The following DCHS2 variants were observed in gnomAD, a reference collection of about 807,000 sequenced individuals.
The protein encoded by DCHS2 is protocadherin-23.
Under a neutral mutation model 182.4 loss-of-function variants are expected in DCHS2, and 142 were observed. That is an observed-to-expected ratio of 0.78 (90% CI 0.68 to 0.89). The LOEUF (loss-of-function observed/expected upper bound fraction) is 0.89. Among genes scored for constraint, DCHS2 ranks in the 40% least tolerant of loss-of-function variants. DCHS2 has a pLI of 0.00. For synonymous variants in DCHS2, 1,740 were observed against 1,663.3 expected (o/e 1.05, Z -1.12); for missense variants, 4,319 against 4,198.6 (o/e 1.03, Z -0.79).
chr4:154,402,183 G>T (rs753808417), intron 1 of DCHS2, among the ~76,000 whole-genome samples: 4 of 152,142 alleles, frequency 2.6e-5, no homozygotes. Flanking sequence ...TGGTACCCTT[G>T]TCAAAACTCA....
rs1303670297 is a variant in DCHS2 at position 154,439,153 on chromosome 4, T to TTAAG, written c.2052+50147_2052+50150dup. 2.0e-5 allele frequency among the ~76,000 whole-genome samples: 3 copies of TTAAG among 152,354 alleles called. No homozygotes were observed. The East Asian group carries it at 5.8e-4, about 29-fold the overall frequency. ...AATACATTTCCCTACTAATGGACAT[T>TTAAG]TAAGTCACCAGAGGCTTTTCACACT... On this transcript the variant is annotated intron_variant, in intron 1 of 19. Transcript: ENST00000357232.
intron 13 of DCHS2, among the ~76,000 whole-genome samples, chr4:154,272,940 C>T (rs948581940): frequency 6.6e-6 from 1 of 152,102 alleles, no homozygotes; most frequent in South Asian, 2.1e-4. Flanking sequence ...CTCCTGTTTA[C>T]TACTCACATA....
At position 154,333,145 on chromosome 4, in the gene DCHS2, C is replaced by T. The variant is rs1452270071; in HGVS notation, c.3063G>A (p.Pro1021=). 6.2e-7 allele frequency: 1 copy of T among 1,614,122 alleles called. No homozygotes were observed. The highest frequency in any genetic ancestry group is 1.7e-5 in the Admixed American group (1 of 60,030). Reference sequence around the variant, plus strand: ...TGTCGATGGCAAAGACGCCTGGCTGCGGGCTGGCGATGGAGTACCGGATGA... The same window carrying T: ...TGTCGATGGCAAAGACGCCTGGCTGTGGGCTGGCGATGGAGTACCGGATGA... The part of the protein sequence containing the change: ...NGLIRYSIAS[P]QPGVFAIDRA... Residue 1021 remains proline (P), a synonymous_variant, in exon 5 of 20, where the codon CCG becomes CCA. Coordinates refer to ENST00000357232, the MANE Select transcript of DCHS2 (RefSeq NM_001358235.2).
chr4:154,332,999 G>A lies in DCHS2; in HGVS notation c.3209C>T (p.Thr1070Ile). The A allele has an allele frequency of 6.2e-7, 1 of 1,614,182 alleles. No individual in the cohort carries two copies. The highest frequency in any genetic ancestry group is 1.1e-5 in the South Asian group (1 of 91,082). ...VHPQAALLVL[T>I]VVIEKREHSP... ...GTGTTCGCGTTTCTCGATAACGACT[G>A]TCAGCACCAGCAGGGCTGCCTGAGG... Residue 1070 changes from threonine (T) to isoleucine (I), a missense_variant, in exon 5 of 20, where the codon ACA (threonine) becomes ATA (isoleucine). Thr to Ile is a moderately conservative substitution (Grantham distance 89). Transcript: ENST00000357232.
At chr4:154,252,499 G>A (rs975185813) in intron 16 of DCHS2, among the ~76,000 whole-genome samples, 9 of 151,672 alleles carry the variant, frequency 5.9e-5, no homozygotes, top group Admixed American at 5.9e-4. Context: ...ACCCTTCCCA[G>A]CCTCTGGTAA....
chr4:154,365,581 C>G (rs180723429), intron 3 of DCHS2, among the ~76,000 whole-genome samples: 4 of 151,904 alleles, frequency 2.6e-5, no homozygotes, highest in Non-Finnish European at 1.5e-5. Context: ...TGGCCTCGAG[C>G]CATCCTCCCA....
intron 13 of DCHS2, among the ~76,000 whole-genome samples, chr4:154,296,939 T>A (rs1734951264): frequency 6.6e-6 from 1 of 152,230 alleles, no homozygotes; most frequent in Non-Finnish European, 1.5e-5. Flanking sequence ...ATATCAAGGC[T>A]ATTCCAACAC....
chr4:154,427,567 G>A (rs931035991), intron 1 of DCHS2, among the ~76,000 whole-genome samples: 3 of 152,196 alleles, frequency 2.0e-5, no homozygotes, highest in African/African-American at 7.2e-5. Flanking sequence ...AATTAACTCT[G>A]TTAAATTTAA....
At position 154,235,374 on chromosome 4, in the gene DCHS2, C is replaced by T. The variant is rs1181023529; in HGVS notation, c.9278G>A (p.Gly3093Asp). 4.3e-6 allele frequency: 7 copies of T among 1,614,042 alleles called. No individual in the cohort carries two copies. Among genetic ancestry groups the T allele is most frequent in the Middle Eastern group, 1.7e-4 (1 of 6,060 alleles). ...VNLYRHSNSS[G>D]HCSVEGETAE... ...AGTTTCTCCTTCCACAGAACAGTGG[C>T]CACTGGAGTTTGAGTGTCTGTACAG... is the stretch of plus-strand genomic sequence containing the variant. The change falls in exon 20 of 20, where the codon GGC becomes GAC. Residue 3093 changes from glycine (G) to aspartate (D), a missense_variant. Transcript: ENST00000357232.
chr4:154,237,161 TG>T lies in DCHS2; in HGVS notation c.7493-3del. ...CGGGACTGATAGTAAATATTGTGCC[TG>T]AAAAATAAGACATAGTATTTCAACA... On this transcript the variant is annotated splice_region_variant and splice_polypyrimidine_tract_variant and intron_variant, in intron 19 of 19. Transcript: ENST00000357232. 1.2e-6 allele frequency: 2 copies of T among 1,600,530 alleles called. No homozygotes were observed. The highest frequency in any genetic ancestry group is 8.5e-7 in the Non-Finnish European group (1 of 1,175,372).
Position 154,234,308 on chromosome 4 carries a change from C to A in DCHS2, c.*228G>T, listed in dbSNP as rs1028619521. The A allele has an allele frequency of 9.6e-5, 51 of 532,152 alleles. No individual in the cohort carries two copies. Among genetic ancestry groups the A allele is most frequent in the African/African-American group, 8.4e-4 (44 of 52,144 alleles). The allele number at this position is 532,152 out of a possible 1,614,324, so 33.0% of individuals were successfully genotyped here. The stretch of plus-strand genomic sequence containing the variant: ...CAGAATATACACTACTTAATATATA[C>A]AAATGTGAGTCCTGAGAGCAACACA... On this transcript the variant is annotated 3_prime_UTR_variant, in exon 20 of 20. Transcript: ENST00000357232.
chr4:154,414,487 CTTTTTTTTTT>C (rs375818839), intron 1 of DCHS2, among the ~76,000 whole-genome samples: 2 of 73,760 alleles, frequency 2.7e-5, no homozygotes, highest in Non-Finnish European at 5.8e-5. Context: ...ATACAGCTTT[CTTTTTTTTTT>C]TTTTTTTTTT....
chr4:154,256,362 TG>T (rs1732666116), intron 15 of DCHS2, among the ~76,000 whole-genome samples: 1 of 152,250 alleles, frequency 6.6e-6, no homozygotes, highest in Admixed American at 6.5e-5. Context: ...CTTGAACTCC[TG>T]GGCTCAAGCG....
chr4:154,345,478 C>T lies in DCHS2; in HGVS notation c.2477-10374G>A, dbSNP rs61641052. ...TTGAAGGGATGTGATGTTTGACCAACGTCACCTTGTTCACATGTCAAGGTT... is the reference window on the plus strand; with the variant it reads ...TTGAAGGGATGTGATGTTTGACCAATGTCACCTTGTTCACATGTCAAGGTT... On this transcript the variant is annotated intron_variant, in intron 3 of 19. Coordinates refer to ENST00000357232, the MANE Select transcript of DCHS2 (RefSeq NM_001358235.2). 8.5e-3 allele frequency among the ~76,000 whole-genome samples: 1,300 copies of T among 152,332 alleles called. 19 individuals are homozygous for T. Among genetic ancestry groups the T allele is most frequent in the African/African-American group, 0.029 (1,218 of 41,574 alleles).
intron 1 of DCHS2, among the ~76,000 whole-genome samples, chr4:154,390,225 A>C (rs1018655383): frequency 6.8e-6 from 1 of 147,034 alleles, no homozygotes; most frequent in South Asian, 2.3e-4. Context: ...CTAACTCGTC[A>C]TCTAGCATTA....
rs143464076 is a variant in DCHS2, at chr4:154,455,613, G to A, written c.2052+33691C>T. ...AGTGATTTAGATGAAACTTACACTTGCCATGTGGCAGACTGGGGAGTAGAC... is the reference window on the plus strand; with the variant it reads ...AGTGATTTAGATGAAACTTACACTTACCATGTGGCAGACTGGGGAGTAGAC... On this transcript the variant is annotated intron_variant, in intron 1 of 19. Transcript: ENST00000357232. Among the ~76,000 whole-genome samples, 356 of 152,318 alleles carry A rather than the reference G, an allele frequency of 2.3e-3. 2 individuals carry two copies. Among genetic ancestry groups the A allele is most frequent in the African/African-American group, 8.1e-3 (335 of 41,574 alleles).
chr4:154,236,869 G>C lies in DCHS2; in HGVS notation c.7783C>G (p.Gln2595Glu). The change falls in exon 20 of 20, where the codon CAG (glutamine) becomes GAG (glutamate). Residue 2595 changes from glutamine (Q) to glutamate (E), a missense_variant. Physicochemically the swap from Gln to Glu is conservative, Grantham distance 29 (BLOSUM62 2). Transcript: ENST00000357232. ...VEYSIISGNS[Q>E]NNFHVETKFF... ...TTAGTTTCCACATGAAAATTGTTCT[G>C]TGAATTACCACTGATGATGGAATAT... The C allele has an allele frequency of 6.2e-7, 1 of 1,614,030 alleles. No individual in the cohort carries two copies. The highest frequency in any genetic ancestry group is 8.5e-7 in the Non-Finnish European group (1 of 1,179,944).
intron 1 of DCHS2, among the ~76,000 whole-genome samples, chr4:154,382,810 C>G (rs1293580537): frequency 6.6e-6 from 1 of 151,984 alleles, no homozygotes; most frequent in East Asian, 1.9e-4. Context: ...TCATCTTGCA[C>G]CAGTCAGAAT....
intron 1 of DCHS2, among the ~76,000 whole-genome samples, chr4:154,484,251 G>A (rs1728499224): frequency 6.6e-6 from 1 of 152,160 alleles, no homozygotes; most frequent in South Asian, 2.1e-4. Context: ...CCATGTAGCT[G>A]AATATGTGTT....
Sources: allele counts gnomAD v4.1 joint callset (sites outside exome capture counted in the v4.1 genomes callset), GRCh38; gene constraint gnomAD v4.1.1; transcripts MANE v1.5; gene names NCBI Gene and HGNC (gene_info 2026-07-23, HGNC 2026-07-21).